GARNL3: variants seen among roughly 807,000 people sequenced by gnomAD.
The protein encoded by GARNL3 is GTPase-activating Rap/Ran-GAP domain-like protein 3.
GARNL3 carries 63 observed loss-of-function variants against 125.0 expected under a neutral mutation model. That is an observed-to-expected ratio of 0.50 (90% CI 0.41 to 0.62). The LOEUF (loss-of-function observed/expected upper bound fraction) is 0.62. Ranked by LOEUF, GARNL3 falls within the 20% of genes least tolerant of loss-of-function variation. The pLI, the probability that GARNL3 is intolerant of heterozygous loss-of-function variation, is 0.00. For missense variants in GARNL3, 994 were observed against 1,244.0 expected (o/e 0.80, Z 3.02); for synonymous variants, 439 against 457.5 (o/e 0.96, Z 0.52).
At chr9:127,326,808 C>T (rs1445050422) in intron 7 of GARNL3, among the ~76,000 whole-genome samples, 1 of 152,108 alleles carries the variant, frequency 6.6e-6, no homozygotes, top group Non-Finnish European at 1.5e-5. Flanking sequence ...AACAAGGGAG[C>T]TTGTTTGCCC....
intron 2 of GARNL3, among the ~76,000 whole-genome samples, chr9:127,295,856 C>T (rs190753351): frequency 9.9e-5 from 15 of 152,248 alleles, no homozygotes; most frequent in Admixed American, 2.6e-4. Flanking sequence ...CAGGATGATT[C>T]AAGCACATTA....
chr9:127,340,798 G>A (rs768671104), intron 13 of GARNL3, among the ~76,000 whole-genome samples: 2 of 151,894 alleles, frequency 1.3e-5, no homozygotes, highest in African/African-American at 4.8e-5. Flanking sequence ...TCAGGCCAGG[G>A]CAAGGGACAG....
At chr9:127,378,391 AG>A (rs1003125063) in intron 22 of GARNL3, among the ~76,000 whole-genome samples, 1 of 152,150 alleles carries the variant, frequency 6.6e-6, no homozygotes, top group Non-Finnish European at 1.5e-5. Context: ...GTTCAAGACC[AG>A]CCTGGCCAAC....
At chr9:127,345,822 TGA>T (rs1830107289) in intron 16 of GARNL3, among the ~76,000 whole-genome samples, 1 of 152,254 alleles carries the variant, frequency 6.6e-6, no homozygotes, top group African/African-American at 2.4e-5. Flanking sequence ...GGAGTGGGGC[TGA>T]GAGTCTGTGT....
At chr9:127,336,762 A>G (rs1401473814) in intron 11 of GARNL3, among the ~76,000 whole-genome samples, 1 of 152,244 alleles carries the variant, frequency 6.6e-6, no homozygotes, top group African/African-American at 2.4e-5. Context: ...AATGGGGCTG[A>G]AGCTTCTGCA....
At chr9:127,241,097 A>G (rs1485228158) in intron 1 of GARNL3, among the ~76,000 whole-genome samples, 2 of 152,134 alleles carry the variant, frequency 1.3e-5, no homozygotes, top group African/African-American at 4.8e-5. Context: ...GCTAGTGGCT[A>G]CCCAGTCGGA....
rs1292380673 is a variant in GARNL3 at position 127,391,552 on chromosome 9, A to ATG, written c.2870+785_2870+786insTG. ...AAAAAAAATATATATATATATATATAGGCTGGGTCTGGTGGCATGAGCCTG... is the reference window on the plus strand; with the variant it reads ...AAAAAAAATATATATATATATATATATGGGCTGGGTCTGGTGGCATGAGCCTG... On this transcript the variant is annotated intron_variant, in intron 27 of 27. Transcript: ENST00000373387. Among the ~76,000 whole-genome samples the ATG allele has an allele frequency of 1.9e-3, 245 of 129,034 alleles. 17 individuals carry two copies. Among genetic ancestry groups the ATG allele is most frequent in the African/African-American group, 6.5e-3 (229 of 34,998 alleles). 84.7% of individuals were successfully genotyped at this position (129,034 alleles called of 152,430 possible). A position where few individuals can be genotyped will look rare whatever the true frequency, so the allele number is the denominator to read the frequency against.
rs370085848 is a variant in GARNL3, at chr9:127,242,331, G to T, written c.-28-748G>T. On this transcript the variant is annotated intron_variant, in intron 1 of 10. Transcript: ENST00000439286. The surrounding 1 kb of genome is among the most constrained non-coding windows in gnomAD (Gnocchi z 4.6). ...CTGGCTTGTTTGTCTGTCAGTTGAG[G>T]TAGAGGTGAGTGAAGAGCCCTGCTA... Among the ~76,000 whole-genome samples, 2 of 152,274 alleles carry T rather than the reference G, an allele frequency of 1.3e-5. No individual in the cohort carries two copies. Among genetic ancestry groups the T allele is most frequent in the South Asian group, 2.1e-4 (1 of 4,820 alleles).
chr9:127,295,072 A>C (rs537333746), intron 2 of GARNL3, among the ~76,000 whole-genome samples: 1 of 152,330 alleles, frequency 6.6e-6, no homozygotes, highest in East Asian at 1.9e-4. Context: ...GGTCAGTTGC[A>C]GGAAATTAAA....
At chr9:127,298,488 G>T (rs1483072445) in intron 2 of GARNL3, among the ~76,000 whole-genome samples, 1 of 152,030 alleles carries the variant, frequency 6.6e-6, no homozygotes, top group Non-Finnish European at 1.5e-5. Flanking sequence ...CTGCTTCCAG[G>T]TTTTCTTAGA....
chr9:127,275,053 G>T (rs191841169), intron 1 of GARNL3, among the ~76,000 whole-genome samples: 1 of 152,280 alleles, frequency 6.6e-6, no homozygotes, highest in Admixed American at 6.5e-5. Flanking sequence ...TGCATCATCT[G>T]TTGTAGCAGG....
At chr9:127,356,517 T>C in intron 20 of GARNL3, 1 of 152,244 alleles carries the variant, frequency 6.6e-6, no homozygotes, top group East Asian at 1.9e-4. Flanking sequence ...TATTTTTTGC[T>C]TAGAGTTAAA....
intron 3 of GARNL3, among the ~76,000 whole-genome samples, 170 bp downstream of exon 3, chr9:127,311,905 G>T (rs1481831149): frequency 6.6e-6 from 1 of 152,154 alleles, no homozygotes; most frequent in African/African-American, 2.4e-5. Context: ...AAGATTCAGA[G>T]TCTCAGCCCT....
intron 2 of GARNL3, among the ~76,000 whole-genome samples, chr9:127,256,606 G>A (rs2063499358): frequency 6.6e-6 from 1 of 152,148 alleles, no homozygotes; most frequent in Non-Finnish European, 1.5e-5. Flanking sequence ...GTACCTTGTA[G>A]GTACTCAGTA....
At chr9:127,299,403 A>C (rs1185349937) in intron 2 of GARNL3, among the ~76,000 whole-genome samples, 1 of 151,996 alleles carries the variant, frequency 6.6e-6, no homozygotes, top group Non-Finnish European at 1.5e-5. Context: ...TAAGCGTGAC[A>C]GTCTCCTGTG....
Position 127,343,780 on chromosome 9 carries a change from C to T in GARNL3, c.1252-455C>T, listed in dbSNP as rs1366985871. Reference sequence around the variant, plus strand: ...ACACACCTAGGAGACAGGTATTAACCACACAAAGACACTGAGATTCGGAAA... The same window carrying T: ...ACACACCTAGGAGACAGGTATTAACTACACAAAGACACTGAGATTCGGAAA... On this transcript the variant is annotated intron_variant, in intron 14 of 27. Coordinates refer to ENST00000373387, the MANE Select transcript of GARNL3 (RefSeq NM_032293.5). 2.6e-5 allele frequency among the ~76,000 whole-genome samples: 4 copies of T among 152,180 alleles called. No homozygotes were observed. The East Asian group carries it at 7.7e-4, about 29-fold the overall frequency.
At position 127,348,945 on chromosome 9, in the gene GARNL3, T is replaced by C. The variant is rs1484500417; in HGVS notation, c.1453T>C (p.Cys485Arg). 3 of 1,613,200 alleles carry C rather than the reference T, an allele frequency of 1.9e-6. No homozygotes were observed. The highest frequency in any genetic ancestry group is 2.5e-6 in the Non-Finnish European group (3 of 1,179,768). ...ACAGCCGTGGGAGCCCCAGTGTTTC[T>C]GCAGTAATTTCCCTCATGAAGCCGT... Reference protein sequence around the residue: ...KKEPWEPQCFCSNFPHEAVCA... With the variant: ...KKEPWEPQCFRSNFPHEAVCA... The change falls in exon 17 of 28, where the codon TGC becomes CGC. Residue 485 changes from cysteine to arginine, a missense_variant. This residue lies in a region of GARNL3 where 728 missense variants were observed against 865.7 expected (regional missense o/e 0.84). Transcript: ENST00000373387.
chr9:127,320,648 G>A, intron 5 of GARNL3, 67 bp from the exon 6 acceptor site: 1 of 1,116,048 alleles, frequency 9.0e-7, no homozygotes, highest in Non-Finnish European at 1.3e-6. Context: ...GAAAACAGCT[G>A]TGATTTTCTA....
intron 2 of GARNL3, among the ~76,000 whole-genome samples, chr9:127,252,079 G>A (rs1018926136): frequency 8.6e-5 from 13 of 152,040 alleles, no homozygotes; most frequent in Admixed American, 1.3e-4. Context: ...ACAAATTATC[G>A]CCCTTTGTCA....
Sources: allele counts gnomAD v4.1 joint callset (sites outside exome capture counted in the v4.1 genomes callset), GRCh38; gene constraint gnomAD v4.1.1; regional missense constraint gnomAD v4.1.1; non-coding constraint Gnocchi (gnomAD v3.1); transcripts MANE v1.5; gene names NCBI Gene and HGNC (gene_info 2026-07-23, HGNC 2026-07-21).